ARHGAP22: variants seen among roughly 807,000 people sequenced by gnomAD.
The protein encoded by ARHGAP22 is Rho GTPase activating protein 22.
Under a neutral mutation model 59.1 loss-of-function variants are expected in ARHGAP22, and 48 were observed. The ratio of observed to expected loss-of-function variants is 0.81; its 90% CI spans 0.64 to 1.03. The LOEUF (loss-of-function observed/expected upper bound fraction) is 1.03, where lower values mean the gene tolerates loss of function less well. Among genes scored for constraint, ARHGAP22 ranks in the 50% least tolerant of loss-of-function variants. ARHGAP22 has a pLI of 0.00. For synonymous variants in ARHGAP22, 445 were observed against 416.4 expected (o/e 1.07, Z -0.84); for missense variants, 1,015 against 958.7 (o/e 1.06, Z -0.78).
chr10:48,449,626 C>T lies in ARHGAP22; in HGVS notation c.1868+635G>A, dbSNP rs373999571. 2.0e-3 allele frequency among the ~76,000 whole-genome samples: 298 copies of T among 152,354 alleles called. 1 individual carries two copies. The highest frequency in any genetic ancestry group is 7.0e-3 in the African/African-American group (292 of 41,590). On this transcript the variant is annotated intron_variant, in intron 9 of 9. Coordinates refer to ENST00000249601, the MANE Select transcript of ARHGAP22 (RefSeq NM_021226.4). The stretch of plus-strand genomic sequence containing the variant: ...AGTCTGAGATGCTGAGGGAAACGCC[C>T]TGCGCTGGAGAACCTGGTCTCCAGG...
chr10:48,599,231 C>T (rs756327769), intron 1 of ARHGAP22, among the ~76,000 whole-genome samples: 4 of 152,166 alleles, frequency 2.6e-5, no homozygotes, highest in Non-Finnish European at 5.9e-5. Flanking sequence ...TACCATGGAC[C>T]GAGAAATGTT....
At chr10:48,629,600 T>C (rs2061562618) in intron 1 of ARHGAP22, among the ~76,000 whole-genome samples, 1 of 152,216 alleles carries the variant, frequency 6.6e-6, no homozygotes, top group Admixed American at 6.5e-5. Flanking sequence ...CATATCACCA[T>C]GTTTTGTTTA....
chr10:48,496,222 C>A (rs2050910405), intron 3 of ARHGAP22, among the ~76,000 whole-genome samples: 1 of 152,158 alleles, frequency 6.6e-6, no homozygotes, highest in Non-Finnish European at 1.5e-5. Context: ...GAAGCACAAC[C>A]ATCCCCCTTA....
chr10:48,467,096 C>G (rs2133906122), intron 4 of ARHGAP22, among the ~76,000 whole-genome samples: 2 of 152,360 alleles, frequency 1.3e-5, no homozygotes, highest in Middle Eastern at 3.4e-3. Flanking sequence ...GCCCTTCTGG[C>G]CTCTTCCTGC....
chr10:48,633,308 T>A (rs1342244668), intron 1 of ARHGAP22, among the ~76,000 whole-genome samples: 1 of 152,252 alleles, frequency 6.6e-6, no homozygotes. Flanking sequence ...AGTGACTGCA[T>A]GCTGGAGAAG....
intron 3 of ARHGAP22, among the ~76,000 whole-genome samples, chr10:48,506,960 G>C (rs945182585): frequency 4.6e-5 from 7 of 152,114 alleles, no homozygotes; most frequent in African/African-American, 1.7e-4. Context: ...AAGCTCACAG[G>C]GCTGGGGAGC....
chr10:48,478,722 G>A (rs559203144), intron 4 of ARHGAP22, among the ~76,000 whole-genome samples: 56 of 152,230 alleles, frequency 3.7e-4, no homozygotes, highest in African/African-American at 1.2e-3. Context: ...GCGACTGCAC[G>A]GCTGGGAGTC....
chr10:48,440,371 A>G, the ARHGAP22 span, among the ~76,000 whole-genome samples: 1 of 152,234 alleles, frequency 6.6e-6, no homozygotes, highest in African/African-American at 2.4e-5. Context: ...AGTGACATAG[A>G]AGTGTGCCAG....
chr10:48,591,131 T>C (rs1040977538), intron 1 of ARHGAP22, among the ~76,000 whole-genome samples: 1 of 152,164 alleles, frequency 6.6e-6, no homozygotes, highest in Non-Finnish European at 1.5e-5. Context: ...CCTTAAGTGC[T>C]TCAGCTCAGA....
intron 4 of ARHGAP22, among the ~76,000 whole-genome samples, chr10:48,472,478 T>C (rs1378807732): frequency 6.6e-6 from 1 of 150,934 alleles, no homozygotes; most frequent in Non-Finnish European, 1.5e-5. Flanking sequence ...GAGCCAAGAT[T>C]GTGCCACTGC....
chr10:48,482,354 C>G (rs1564740265), intron 3 of ARHGAP22, among the ~76,000 whole-genome samples: 1 of 152,244 alleles, frequency 6.6e-6, no homozygotes, highest in Non-Finnish European at 1.5e-5. Flanking sequence ...TCTATCATTT[C>G]TCTACAGACA....
intron 2 of ARHGAP22, among the ~76,000 whole-genome samples, chr10:48,574,085 G>A (rs779389433): frequency 2.0e-5 from 3 of 152,216 alleles, no homozygotes; most frequent in Non-Finnish European, 4.4e-5. Flanking sequence ...ACCTCACCTT[G>A]TTGGGCTTAC....
rs7921686 is a variant in ARHGAP22 at position 48,613,756 on chromosome 10, C to T, written c.53-30604G>A. On this transcript the variant is annotated intron_variant, in intron 1 of 9. Transcript: ENST00000435790. ...CATCTAAGGATTGTTAGAAGGAGGA[C>T]GAAAGTTTACTTAAGGAAGTGCTAT... Among the ~76,000 whole-genome samples the T allele has an allele frequency of 5.6e-3, 850 of 151,794 alleles. 10 individuals carry two copies. Among genetic ancestry groups the T allele is most frequent in the African/African-American group, 0.019 (771 of 41,356 alleles).
rs557591084 is a variant in ARHGAP22, at chr10:48,446,077, G to A, written c.*314C>T. On this transcript the variant is annotated 3_prime_UTR_variant, in exon 10 of 10. Coordinates refer to ENST00000249601, the MANE Select transcript of ARHGAP22 (RefSeq NM_021226.4). The stretch of plus-strand genomic sequence containing the variant: ...TTAATAAAGAAAGCTGACTGTTCCC[G>A]GTGGCTGCCTGGATCCTGGGCGCCC... 20 of 411,346 alleles carry A rather than the reference G, an allele frequency of 4.9e-5. No individual in the cohort carries two copies. The highest frequency in any genetic ancestry group is 2.5e-4 in the South Asian group (6 of 24,404). The allele number at this position is 411,346 out of a possible 1,614,324, so 25.5% of individuals were successfully genotyped here.
Position 48,455,008 on chromosome 10 carries a change from C to T in ARHGAP22, c.786G>A (p.Glu262=). ...LSCAQLLTKD[E]GEGTLELAKQ... is the part of the protein sequence containing the mutation. The stretch of plus-strand genomic sequence containing the variant: ...ATCCCCAGGAGCCACTGACCTCCCC[C>T]TCGTCCTTGGTGAGCAGCTGGGCGC... Residue 262 remains glutamate (E), a synonymous_variant, in exon 6 of 10, where the codon GAG becomes GAA. Coordinates refer to ENST00000249601, the MANE Select transcript of ARHGAP22 (RefSeq NM_021226.4). 1.9e-6 allele frequency: 3 copies of T among 1,600,428 alleles called. No homozygotes were observed. Among genetic ancestry groups the T allele is most frequent in the Admixed American group, 1.7e-5 (1 of 59,514 alleles).
At chr10:48,477,698 T>C (rs1046583396) in intron 4 of ARHGAP22, among the ~76,000 whole-genome samples, 18 of 152,254 alleles carry the variant, frequency 1.2e-4, no homozygotes, top group Admixed American at 1.1e-3. Flanking sequence ...AGTATCCCAT[T>C]GTGATTTAAT....
chr10:48,636,282 A>G (rs1313112405), intron 1 of ARHGAP22, among the ~76,000 whole-genome samples: 1 of 152,230 alleles, frequency 6.6e-6, no homozygotes, highest in Non-Finnish European at 1.5e-5. Flanking sequence ...GGAGACATTC[A>G]GGGTGTCTGG....
chr10:48,576,731 T>G (rs1048803483), intron 2 of ARHGAP22, among the ~76,000 whole-genome samples: 2 of 151,918 alleles, frequency 1.3e-5, no homozygotes, highest in Non-Finnish European at 2.9e-5. Context: ...GTCACCACGT[T>G]CTATGGTCTC....
At chr10:48,539,318 G>T (rs1265573065) in intron 3 of ARHGAP22, among the ~76,000 whole-genome samples, 11 of 96,338 alleles carry the variant, frequency 1.1e-4, no homozygotes, top group African/African-American at 4.5e-4. Flanking sequence ...TTGAGACGGA[G>T]TCTCGCTCTG....
Sources: allele counts gnomAD v4.1 joint callset (sites outside exome capture counted in the v4.1 genomes callset), GRCh38; gene constraint gnomAD v4.1.1; transcripts MANE v1.5; gene names NCBI Gene and HGNC (gene_info 2026-07-23, HGNC 2026-07-21).